Variants in MED13 observed in about 807,000 individuals in gnomAD.
MED13 encodes mediator complex subunit 13.
Under a neutral mutation model 225.2 loss-of-function variants are expected in MED13, and 23 were observed. The observed-to-expected ratio is 0.10, with a 90% CI of 0.07 to 0.14. The LOEUF (loss-of-function observed/expected upper bound fraction) is 0.14, where lower values mean the gene tolerates loss of function less well. Ranked by LOEUF, MED13 falls within the 10% of genes least tolerant of loss-of-function variation. The pLI is 1.00. For synonymous variants in MED13, 942 were observed against 889.2 expected (o/e 1.06, Z -1.06); for missense variants, 2,197 against 2,594.5 (o/e 0.85, Z 3.33).
chr17:61,970,406 C>A (rs559579737), intron 17 of MED13, among the ~76,000 whole-genome samples: 17 of 152,224 alleles, frequency 1.1e-4, no homozygotes, highest in Non-Finnish European at 2.5e-4. Context: ...AGGGGCTGGG[C>A]ATGGTGGCTC....
chr17:62,005,852 C>T (rs2080441929), intron 9 of MED13: 1 of 152,164 alleles, frequency 6.6e-6, no homozygotes, highest in Non-Finnish European at 1.5e-5. Context: ...GGCTGGTTCA[C>T]CAGTCGTCAG....
chr17:61,989,338 A>C (rs2080275286), intron 11 of MED13, among the ~76,000 whole-genome samples: 1 of 150,500 alleles, frequency 6.6e-6, no homozygotes, highest in African/African-American at 2.5e-5. Context: ...AATATTTAAC[A>C]TTTGATTGAT....
chr17:61,949,329 G>C (rs541476841), intron 28 of MED13, among the ~76,000 whole-genome samples: 205 of 151,940 alleles, frequency 1.3e-3, no homozygotes, highest in African/African-American at 4.7e-3. Flanking sequence ...GTGCTCATGC[G>C]ATCCTCCCTC....
Position 61,960,876 on chromosome 17 carries a change from A to C in MED13, c.5471T>G (p.Val1824Gly), listed in dbSNP as rs528008168. The change falls in exon 23 of 30, where the codon GTT becomes GGT. Residue 1824 changes from valine to glycine, a missense_variant. By Grantham distance (109) the Val-to-Gly change is moderately radical. Around this residue, in one of 12 missense-constraint regions of MED13, gnomAD observed 78 missense variants for 82.1 expected, o/e 0.95. Coordinates refer to ENST00000397786, the MANE Select transcript of MED13 (RefSeq NM_005121.3). ...LLETCIINID[V>G]PNRARRKKSS... ...AGGGAAATACAAATACCTATTTGGAACATCGATGTTAATGATACAAGTTTC... is the reference window on the plus strand; with the variant it reads ...AGGGAAATACAAATACCTATTTGGACCATCGATGTTAATGATACAAGTTTC... 4 of 1,588,332 alleles carry C rather than the reference A, an allele frequency of 2.5e-6. No homozygotes were observed. Among genetic ancestry groups the C allele is most frequent in the Admixed American group, 1.7e-5 (1 of 59,898 alleles).
chr17:61,955,667 A>G lies in MED13; in HGVS notation c.5782+13T>C. On this transcript the variant is annotated intron_variant, in intron 25 of 29. Coordinates refer to ENST00000397786, the MANE Select transcript of MED13 (RefSeq NM_005121.3). ...TAAAGAATTAAATCTGATATAAACT[A>G]AAGATAGCTAACCTGGCATAATAAC... is the stretch of plus-strand genomic sequence containing the variant. 3 of 1,587,900 alleles carry G rather than the reference A, an allele frequency of 1.9e-6. No individual in the cohort carries two copies. The highest frequency in any genetic ancestry group is 4.5e-5 in the East Asian group (2 of 44,718).
intron 8 of MED13, among the ~76,000 whole-genome samples, chr17:62,016,094 C>T (rs1192071622): frequency 7.0e-6 from 1 of 142,834 alleles, no homozygotes; most frequent in Non-Finnish European, 1.5e-5. Context: ...ATGAGCCACT[C>T]ACCCAGCCTG....
At chr17:62,042,292 G>A (rs552257841) in intron 3 of MED13, among the ~76,000 whole-genome samples, 200 of 152,130 alleles carry the variant, frequency 1.3e-3, no homozygotes, top group African/African-American at 3.1e-3. Context: ...GGCCAGGCAC[G>A]GGGGCTGATG....
At chr17:62,002,819 C>T (rs905938055) in intron 9 of MED13, among the ~76,000 whole-genome samples, 4 of 152,338 alleles carry the variant, frequency 2.6e-5, no homozygotes, top group African/African-American at 2.4e-5. Flanking sequence ...AATCAGTAAA[C>T]ACGCTGATCT....
In MED13 at chr17:62,063,224, T is replaced by C. The variant is rs1365293645; in HGVS notation, c.144A>G (p.Thr48=). The C allele has an allele frequency of 6.2e-7, 1 of 1,614,196 alleles. No homozygotes were observed. The change falls in exon 2 of 30, where the codon ACA becomes ACG. Residue 48 remains threonine (T), a synonymous_variant. Transcript: ENST00000397786. ...PTSAPILFPV[T]EEDPILSSFS... is the part of the protein sequence containing the mutation. ...AACTGCTCAAAATGGGGTCTTCTTC[T>C]GTCACAGGAAACAGAATAGGGGCAG...
At chr17:61,989,859 G>A (rs866941764) in intron 11 of MED13, among the ~76,000 whole-genome samples, 1 of 152,148 alleles carries the variant, frequency 6.6e-6, no homozygotes, top group African/African-American at 2.4e-5. Flanking sequence ...GGCCTTTTGT[G>A]ACCCTATACA....
intron 8 of MED13, among the ~76,000 whole-genome samples, chr17:62,021,170 T>C (rs1387167690): frequency 2.7e-5 from 4 of 150,878 alleles, no homozygotes; most frequent in African/African-American, 4.9e-5. Flanking sequence ...AAACCGCCAT[T>C]GTCATCATGG....
chr17:62,037,955 C>CAAAAAAAAAAAAAAAAAAAAAAAAA (rs397857634), intron 3 of MED13, among the ~76,000 whole-genome samples: 1 of 64,728 alleles, frequency 1.5e-5, no homozygotes, highest in Non-Finnish European at 3.1e-5. Flanking sequence ...GACTTCATCT[C>CAAAAAAAAAAAAAAAAAAAAAAAAA]AAAAAAAAAA....
chr17:61,961,851 C>T (rs2080003499), intron 21 of MED13, 72 bp from the exon 22 acceptor site: 1 of 1,387,590 alleles, frequency 7.2e-7, no homozygotes, highest in Non-Finnish European at 9.9e-7. Flanking sequence ...GGGTCTAAAA[C>T]TCTAAAAACT....
chr17:62,061,864 A>G (rs938362595), intron 2 of MED13, among the ~76,000 whole-genome samples: 2 of 152,252 alleles, frequency 1.3e-5, no homozygotes, highest in Non-Finnish European at 2.9e-5. Flanking sequence ...GCATCTTATT[A>G]GAAAAACTAC....
Position 61,972,888 on chromosome 17 carries a change from T to A in MED13, c.3806A>T (p.Asp1269Val). The A allele has an allele frequency of 6.4e-7, 1 of 1,568,768 alleles. No individual in the cohort carries two copies. Among genetic ancestry groups the A allele is most frequent in the Non-Finnish European group, 8.6e-7 (1 of 1,164,356 alleles). ...ATCCTGTGAGCACTGCATACTCACA[T>A]CTACAAGCATTTTAAAAAAAACAAG... The part of the protein sequence containing the change: ...SCLHPWSKRN[D>V]VSMQCSQDIL... The change falls in exon 17 of 30, where the codon GAT (aspartate) becomes GTT (valine). Residue 1269 changes from aspartate (D) to valine (V), a missense_variant and splice_region_variant. Coordinates refer to ENST00000397786, the MANE Select transcript of MED13 (RefSeq NM_005121.3).
At chr17:62,043,251 T>C (rs576114829) in intron 3 of MED13, among the ~76,000 whole-genome samples, 1 of 151,292 alleles carries the variant, frequency 6.6e-6, no homozygotes, top group Non-Finnish European at 1.5e-5. Context: ...AGGAGAAGTC[T>C]TAGCATTTTT....
In MED13 at chr17:62,035,516, A is replaced by G. The variant is rs199717491; in HGVS notation, c.563T>C (p.Leu188Pro). 1,112 of 1,613,340 alleles carry G rather than the reference A, an allele frequency of 6.9e-4. No individual in the cohort carries two copies. Among genetic ancestry groups the G allele is most frequent in the Non-Finnish European group, 8.8e-4 (1,035 of 1,179,506 alleles). ...AAGGGTGATATGCTCTTCACTGAGA[A>G]GGTATACAGGTTGATGTTGGTTAAT... ...VEINQHQPVYLLSEEHITLAQ... is the reference protein window; with the variant it reads ...VEINQHQPVYPLSEEHITLAQ... Residue 188 changes from leucine to proline, a missense_variant, in exon 4 of 30, where the codon CTT (leucine) becomes CCT (proline). By Grantham distance (98) the Leu-to-Pro change is moderately conservative. This residue lies in a region of MED13 where 884 missense variants were observed against 918.5 expected (regional missense o/e 0.96). Coordinates refer to ENST00000397786, the MANE Select transcript of MED13 (RefSeq NM_005121.3).
intron 8 of MED13, among the ~76,000 whole-genome samples, chr17:62,018,572 G>A (rs1209854470): frequency 6.6e-6 from 1 of 152,082 alleles, no homozygotes; most frequent in African/African-American, 2.4e-5. Flanking sequence ...AAGTTAGCTG[G>A]GCGTGGTGGC....
At position 62,031,622 on chromosome 17, in the gene MED13, G is replaced by C. The variant is rs376049655; in HGVS notation, c.831C>G (p.Ile277Met). 3 of 1,580,350 alleles carry C rather than the reference G, an allele frequency of 1.9e-6. No homozygotes were observed. Among genetic ancestry groups the C allele is most frequent in the Non-Finnish European group, 2.6e-6 (3 of 1,163,740 alleles). ...GGACTAGAACAAAGCATGCTGGGTA[G>C]ATCATTCGGACACCAGCTGAAAGGA... is the stretch of plus-strand genomic sequence containing the variant. ...VEVLVAGVRMIYPACFVLVPQ... is the reference protein window; with the variant it reads ...VEVLVAGVRMMYPACFVLVPQ... Residue 277 changes from isoleucine to methionine, a missense_variant, in exon 6 of 30, where the codon ATC (isoleucine) becomes ATG (methionine). Coordinates refer to ENST00000397786, the MANE Select transcript of MED13 (RefSeq NM_005121.3).
Sources: gnomAD v4.1 joint callset for allele counts (sites outside exome capture counted in the v4.1 genomes callset) on GRCh38, gnomAD v4.1.1 for gene constraint, gnomAD v4.1.1 regional missense constraint, MANE v1.5 for transcripts, NCBI Gene and HGNC (gene_info 2026-07-23, HGNC 2026-07-21) for gene names.